Variants in TJP1 observed in about 807,000 individuals in gnomAD.
TJP1 encodes tight junction protein 1, also known as tight junction protein ZO-1.
Under a neutral mutation model 194.2 loss-of-function variants are expected in TJP1, and 43 were observed. The observed-to-expected ratio is 0.22, with a 90% confidence interval of 0.17 to 0.29. The LOEUF is 0.29. Ranked by LOEUF, TJP1 falls within the 10% of genes least tolerant of loss-of-function variation. The pLI, the probability that TJP1 is intolerant of heterozygous loss-of-function variation, is 1.00. For missense variants in TJP1, 1,971 were observed against 2,185.7 expected, an observed-to-expected ratio of 0.90 and a Z score of 1.96; for synonymous variants, 801 against 779.0, an observed-to-expected ratio of 1.03 and a Z score of -0.47.
chr15:29,902,115 A>C (rs2053653410), intron 2 of TJP1, among the ~76,000 whole-genome samples: 1 of 152,240 alleles, frequency 6.6e-6, no homozygotes. Flanking sequence ...ATAGTAAATG[A>C]AATTTTTACT....
At chr15:29,727,915 G>A in intron 16 of TJP1, 22 bp downstream of exon 16, 1 of 1,598,582 alleles carries the variant, frequency 6.3e-7, no homozygotes, top group Non-Finnish European at 8.6e-7. Flanking sequence ...ATAATGAAAT[G>A]GGTCAAGTTT....
intron 26 of TJP1, among the ~76,000 whole-genome samples, chr15:29,705,193 CT>C (rs2041815776): frequency 1.3e-5 from 2 of 152,224 alleles, no homozygotes; most frequent in South Asian, 4.1e-4. Context: ...TGGGTGTTAC[CT>C]AACCCATCTC....
intron 2 of TJP1, among the ~76,000 whole-genome samples, chr15:29,875,857 C>T (rs2052679947): frequency 6.6e-6 from 1 of 152,198 alleles, no homozygotes; most frequent in South Asian, 2.1e-4. Context: ...AGCCACTGTG[C>T]CTGGCCAGTT....
At chr15:29,761,546 G>T in intron 7 of TJP1, 55 bp downstream of exon 7, 1 of 1,533,126 alleles carries the variant, frequency 6.5e-7, no homozygotes, top group South Asian at 1.3e-5. Flanking sequence ...AATCTCCCTA[G>T]TATTTTAAGA....
chr15:29,916,383 AC>A (rs1427842399), intron 2 of TJP1, among the ~76,000 whole-genome samples: 1 of 152,116 alleles, frequency 6.6e-6, no homozygotes, highest in Non-Finnish European at 1.5e-5. Context: ...ATCTTTACAC[AC>A]AGGATTCAAC....
chr15:29,742,606 A>G, intron 9 of TJP1, 36 bp downstream of exon 9: 3 of 1,513,296 alleles, frequency 2.0e-6, no homozygotes, highest in South Asian at 2.7e-5. Context: ...CTCTACTTGC[A>G]AATGTTTCTT....
rs965079753 is a variant in TJP1, at chr15:29,968,768, C to G, written c.72G>C (p.Gly24=). Residue 24 remains glycine, a synonymous_variant, in exon 1 of 29, where the codon GGG becomes GGC. Coordinates refer to the TJP1 transcript ENST00000356107. ...GGTATTTCTGGTACTTCATCTTGTC[C>G]CCGCTCCGCTCGCGGGCAGGGCCCC... 1.5e-5 allele frequency: 18 copies of G among 1,223,580 alleles called. No individual in the cohort carries two copies. In the East Asian group the frequency reaches 1.3e-3, roughly 85 times the overall value. 75.8% of individuals were successfully genotyped at this position (1,223,580 alleles called of 1,614,324 possible). A position where few individuals can be genotyped will look rare whatever the true frequency, so the allele number is the denominator to read the frequency against.
chr15:29,944,490 C>G (rs1480225399), intron 2 of TJP1, among the ~76,000 whole-genome samples: 2 of 152,084 alleles, frequency 1.3e-5, no homozygotes, highest in Non-Finnish European at 2.9e-5. Flanking sequence ...AATTTATGAC[C>G]CTATGTTTAT....
At chr15:29,930,805 G>C (rs935598255) in intron 2 of TJP1, among the ~76,000 whole-genome samples, 1 of 152,254 alleles carries the variant, frequency 6.6e-6, no homozygotes, top group South Asian at 2.1e-4. Flanking sequence ...CAGAGAATAG[G>C]AAAGTCTACA....
At chr15:29,773,439 A>G in intron 2 of TJP1, 82 bp from the exon 3 acceptor site, 1 of 1,349,588 alleles carries the variant, frequency 7.4e-7, no homozygotes, top group Non-Finnish European at 1.0e-6. Flanking sequence ...AGAGAAGCCA[A>G]AATATAAAAA....
chr15:29,732,825 A>G lies in TJP1; in HGVS notation c.1737-10T>C. ...GGCTAGCTGCTCAGCTCTACACAAG[A>G]AAGGAGAAAATTAAAATAAGGGCAT... is the stretch of plus-strand genomic sequence containing the variant. On this transcript the variant is annotated splice_polypyrimidine_tract_variant and intron_variant, in intron 13 of 27. Coordinates refer to ENST00000614355, the MANE Select transcript of TJP1 (RefSeq NM_001330239.4). 2 of 1,561,870 alleles carry G rather than the reference A, an allele frequency of 1.3e-6. No homozygotes were observed. The highest frequency in any genetic ancestry group is 1.4e-5 in the African/African-American group (1 of 72,168).
intron 26 of TJP1, 87 bp downstream of exon 26, chr15:29,705,441 A>G (rs45536039): frequency 7.4e-6 from 10 of 1,348,440 alleles, no homozygotes; most frequent in Middle Eastern, 5.1e-4. Flanking sequence ...GAGGTGCTGC[A>G]TTATTAGCCA....
At chr15:29,775,023 C>T (rs767261178) in intron 2 of TJP1, among the ~76,000 whole-genome samples, 5 of 151,648 alleles carry the variant, frequency 3.3e-5, no homozygotes, top group Non-Finnish European at 7.4e-5. Flanking sequence ...ACTTAAATTG[C>T]ACACCGTTAT....
At chr15:29,811,664 A>G (rs889886845) in intron 1 of TJP1, among the ~76,000 whole-genome samples, 2 of 152,184 alleles carry the variant, frequency 1.3e-5, no homozygotes, top group African/African-American at 4.8e-5. Context: ...TGCCATTGTA[A>G]TAATTTTTTC....
rs28759225 is a variant in TJP1 at position 29,820,102 on chromosome 15, G to C, written c.27+1900C>G. 4.0e-4 allele frequency among the ~76,000 whole-genome samples: 60 copies of C among 150,608 alleles called. 1 individual carries two copies. The highest frequency in any genetic ancestry group is 1.3e-3 in the African/African-American group (53 of 41,058). On this transcript the variant is annotated intron_variant, in intron 1 of 27. Transcript: ENST00000614355. ...TCAAAAGCACTGGCTTATTAGACAA[G>C]AGTTTCCCAAACTATCATGCTAAAA... is the stretch of plus-strand genomic sequence containing the variant.
intron 2 of TJP1, among the ~76,000 whole-genome samples, chr15:29,787,219 T>C (rs1259980763): frequency 6.6e-6 from 1 of 152,076 alleles, no homozygotes; most frequent in Non-Finnish European, 1.5e-5. Context: ...TGGTTACAGA[T>C]GGTGCCAGGA....
intron 8 of TJP1, among the ~76,000 whole-genome samples, chr15:29,753,626 T>C (rs937102287): frequency 6.6e-6 from 1 of 151,998 alleles, no homozygotes; most frequent in African/African-American, 2.4e-5. Context: ...TCTTTCAACC[T>C]TCACTACAGA....
At chr15:29,805,432 A>T (rs1480150065) in intron 1 of TJP1, among the ~76,000 whole-genome samples, 1 of 152,206 alleles carries the variant, frequency 6.6e-6, no homozygotes, top group East Asian at 1.9e-4. Context: ...GAAGATATAA[A>T]GTATACTCCA....
chr15:29,728,183 C>T, intron 15 of TJP1, 164 bp from the exon 16 acceptor site: 1 of 447,998 alleles, frequency 2.2e-6, no homozygotes, highest in Non-Finnish European at 3.9e-6. Flanking sequence ...ATGCATACTT[C>T]CCTTTTTTTT....
Sources: allele counts gnomAD v4.1 joint callset (sites outside exome capture counted in the v4.1 genomes callset), GRCh38; gene constraint gnomAD v4.1.1; transcripts MANE v1.5; gene names NCBI Gene and HGNC (gene_info 2026-07-23, HGNC 2026-07-21).